Variants in CADM2 observed in about 807,000 individuals in gnomAD.
CADM2 encodes the protein cell adhesion molecule 2.
A neutral mutation model predicts 49.8 loss-of-function variants in CADM2; 12 were observed. That is an observed-to-expected ratio of 0.24 (90% CI 0.15 to 0.39). The LOEUF (loss-of-function observed/expected upper bound fraction) is 0.39, where lower values mean the gene tolerates loss of function less well. Ranked by LOEUF, CADM2 falls within the 10% of genes least tolerant of loss-of-function variation. CADM2 has a pLI of 1.00. For synonymous variants in CADM2, 214 were observed against 175.4 expected, an observed-to-expected ratio of 1.22 and a Z score of -1.74; for missense variants, 378 against 492.3, an observed-to-expected ratio of 0.77 and a Z score of 2.20.
chr3:85,624,727 A>G (rs1054492938), intron 1 of CADM2, among the ~76,000 whole-genome samples: 1 of 152,188 alleles, frequency 6.6e-6, no homozygotes, highest in Non-Finnish European at 1.5e-5. Context: ...CTTCATTCAC[A>G]TTATTCCCAG....
At chr3:85,431,753 T>G (rs939771843) in intron 1 of CADM2, among the ~76,000 whole-genome samples, 32 of 149,312 alleles carry the variant, frequency 2.1e-4, no homozygotes, top group African/African-American at 7.8e-4. Context: ...GTGGAAAGTT[T>G]GTTGCTGAAA....
At chr3:85,683,959 T>C (rs2107663692) in intron 1 of CADM2, among the ~76,000 whole-genome samples, 1 of 152,278 alleles carries the variant, frequency 6.6e-6, no homozygotes, top group African/African-American at 2.4e-5. Flanking sequence ...TATGTGTCTG[T>C]AGTGCTATAG....
At chr3:85,894,118 C>G (rs1714870897) in intron 5 of CADM2, among the ~76,000 whole-genome samples, 1 of 152,170 alleles carries the variant, frequency 6.6e-6, no homozygotes, top group Admixed American at 6.5e-5. Flanking sequence ...CAATGATAGA[C>G]TGGATTAAGA....
chr3:86,009,170 T>C (rs1731179614), intron 8 of CADM2, among the ~76,000 whole-genome samples: 1 of 144,326 alleles, frequency 6.9e-6, no homozygotes, highest in Non-Finnish European at 1.5e-5. Flanking sequence ...GGTATATATA[T>C]AGGTATATAT....
At chr3:85,906,932 T>A (rs933081805) in intron 5 of CADM2, among the ~76,000 whole-genome samples, 3 of 152,214 alleles carry the variant, frequency 2.0e-5, no homozygotes, top group African/African-American at 7.2e-5. Context: ...TGCATCCAAG[T>A]TACTGAATGA....
chr3:85,402,779 A>T (rs533271581), intron 1 of CADM2, among the ~76,000 whole-genome samples: 1 of 152,280 alleles, frequency 6.6e-6, no homozygotes, highest in Non-Finnish European at 1.5e-5. Context: ...AAAACTGTAA[A>T]TCTTTTTGTC....
At chr3:85,868,985 A>G (rs78011951) in intron 3 of CADM2, among the ~76,000 whole-genome samples, 6,800 of 152,070 alleles carry the variant, frequency 0.045, 525 homozygotes, top group African/African-American at 0.15. Flanking sequence ...TGGAGTTTAT[A>G]TCTTCTTACA....
At chr3:85,743,323 G>T (rs2107832810) in intron 2 of CADM2, among the ~76,000 whole-genome samples, 1 of 152,208 alleles carries the variant, frequency 6.6e-6, no homozygotes, top group South Asian at 2.1e-4. Flanking sequence ...CATGATATTG[G>T]AAGTGAATAT....
At chr3:85,114,391 T>G (rs776508825) in intron 1 of CADM2, among the ~76,000 whole-genome samples, 1 of 152,018 alleles carries the variant, frequency 6.6e-6, no homozygotes, top group African/African-American at 2.4e-5. Context: ...AAGCAACAGG[T>G]AGTTGGTTCT....
At chr3:85,666,478 A>G (rs925257321) in intron 1 of CADM2, among the ~76,000 whole-genome samples, 1 of 152,012 alleles carries the variant, frequency 6.6e-6, no homozygotes. Flanking sequence ...GACCTCTGTA[A>G]CAAAAGAGAG....
At position 85,618,342 on chromosome 3, in the gene CADM2, G is replaced by GCCTTT. The variant is rs1312132877; in HGVS notation, c.62-108180_62-108179insCCTTT. Among the ~76,000 whole-genome samples, 4 of 152,162 alleles carry GCCTTT rather than the reference G, an allele frequency of 2.6e-5. No homozygotes were observed. The East Asian group carries it at 7.7e-4, about 29-fold the overall frequency. On this transcript the variant is annotated intron_variant, in intron 1 of 9. Transcript: ENST00000383699. ...AACAGCCCAAGACTAGGTATGGTAG[G>GCCTTT]GGAGACAAATTGGCCTTTGCAGCTT...
intron 1 of CADM2, among the ~76,000 whole-genome samples, chr3:85,451,239 A>G (rs6762695): frequency 0.53 from 79,959 of 151,958 alleles, 23,199 homozygotes; most frequent in East Asian, 0.83. Context: ...AGTCTCTTTC[A>G]GAAAGAATGG....
intron 1 of CADM2, among the ~76,000 whole-genome samples, chr3:85,082,984 A>G (rs1258811293): frequency 6.6e-6 from 1 of 152,150 alleles, no homozygotes; most frequent in Non-Finnish European, 1.5e-5. Flanking sequence ...CATGTTTAAA[A>G]TATCATTTTA....
rs1385748944 is a variant in CADM2, at chr3:86,066,830, G to A, written c.*47G>A. On this transcript the variant is annotated 3_prime_UTR_variant, in exon 10 of 10. Coordinates refer to ENST00000383699, the MANE Select transcript of CADM2 (RefSeq NM_001167675.2). ...TTTTACTACCAGGCTGAATGCTGGA[G>A]AAAACTGGCTATCATCTTTCAGAAG... 1.6e-6 allele frequency: 2 copies of A among 1,274,204 alleles called. No homozygotes were observed. The highest frequency in any genetic ancestry group is 2.3e-5 in the East Asian group (1 of 43,314). 78.9% of individuals were successfully genotyped at this position (1,274,204 alleles called of 1,614,324 possible).
chr3:85,195,076 A>C (rs1481542278), intron 1 of CADM2, among the ~76,000 whole-genome samples: 1 of 152,034 alleles, frequency 6.6e-6, no homozygotes, highest in Non-Finnish European at 1.5e-5. Context: ...TTTAAAATCT[A>C]CTGAAATATG....
At chr3:85,335,965 T>G (rs2107171484) in intron 1 of CADM2, among the ~76,000 whole-genome samples, 1 of 151,614 alleles carries the variant, frequency 6.6e-6, no homozygotes, top group East Asian at 1.9e-4. Context: ...TATTCATTAC[T>G]TTTTGAGTAA....
rs181323360 is a variant in CADM2 at position 85,264,624 on chromosome 3, T to G, written c.61+304956T>G. Among the ~76,000 whole-genome samples the G allele has an allele frequency of 1.6e-3, 239 of 152,130 alleles. 1 individual carries two copies. Among genetic ancestry groups the G allele is most frequent in the Middle Eastern group, 3.4e-3 (1 of 294 alleles). On this transcript the variant is annotated intron_variant, in intron 1 of 9. Transcript: ENST00000383699. ...ACTATTTATTCTCTACACTTAATTT[T>G]GAAACAATTAATTTGTGCTAGCAGA...
intron 8 of CADM2, among the ~76,000 whole-genome samples, chr3:85,963,919 G>A (rs1199896814): frequency 3.3e-5 from 5 of 151,880 alleles, no homozygotes; most frequent in Non-Finnish European, 7.4e-5. Flanking sequence ...ATGCTGTGAA[G>A]TTCAACAGTG....
chr3:85,769,397 GTA>G lies in CADM2; in HGVS notation c.89-32641_89-32640del, dbSNP rs57798540. Reference sequence around the variant, plus strand: ...ACGTATATACATATATACATATATAGTATATATATACACGTATATACATATAT... The same window carrying G: ...ACGTATATACATATATACATATATAGTATATATACACGTATATACATATAT... On this transcript the variant is annotated intron_variant, in intron 2 of 9. Coordinates refer to ENST00000383699, the MANE Select transcript of CADM2 (RefSeq NM_001167675.2). Among the ~76,000 whole-genome samples the G allele has an allele frequency of 1.6e-3, 141 of 88,854 alleles. 3 individuals are homozygous for G. The highest frequency in any genetic ancestry group is 6.9e-3 in the African/African-American group (117 of 16,978). 58.3% of individuals were successfully genotyped at this position (88,854 alleles called of 152,430 possible).
Sources: allele counts gnomAD v4.1 joint callset (sites outside exome capture counted in the v4.1 genomes callset), GRCh38; gene constraint gnomAD v4.1.1; transcripts MANE v1.5; gene names NCBI Gene and HGNC (gene_info 2026-07-23, HGNC 2026-07-21).